The following ZNF503 variants were observed in gnomAD, a reference collection of about 807,000 sequenced individuals.
ZNF503 encodes the protein zinc finger protein 503, also known as NocA-like zinc finger 2.
A neutral mutation model predicts 34.4 loss-of-function variants in ZNF503; 15 were observed. That is an observed-to-expected ratio of 0.44 (90% CI 0.29 to 0.67). The LOEUF (loss-of-function observed/expected upper bound fraction) is 0.67, where lower values mean the gene tolerates loss of function less well. Ranked by LOEUF, ZNF503 falls within the 30% of genes least tolerant of loss-of-function variation. The pLI is 0.13. For missense variants in ZNF503, 1,007 were observed against 926.8 expected, an observed-to-expected ratio of 1.09 and a Z score of -1.12; for synonymous variants, 580 against 456.8, an observed-to-expected ratio of 1.27 and a Z score of -3.44.
chr10:75,373,742 A>G, the ZNF503 span, among the ~76,000 whole-genome samples: 1 of 152,210 alleles, frequency 6.6e-6, no homozygotes, highest in African/African-American at 2.4e-5. Flanking sequence ...GGAATTTCCT[A>G]TCTCATAGGG....
the ZNF503 span, among the ~76,000 whole-genome samples, chr10:75,331,333 G>A: frequency 6.6e-6 from 1 of 152,244 alleles, no homozygotes; most frequent in Non-Finnish European, 1.5e-5. Context: ...CTAAAGTGCA[G>A]TTAAAATCCA....
At chr10:75,293,395 G>T in the ZNF503 span, among the ~76,000 whole-genome samples, 1 of 152,186 alleles carries the variant, frequency 6.6e-6, no homozygotes, top group East Asian at 1.9e-4. Flanking sequence ...TTCCAGGTAG[G>T]CAGGAAGGAA....
the ZNF503 span, among the ~76,000 whole-genome samples, chr10:75,380,067 C>G: frequency 1.3e-5 from 2 of 152,322 alleles, no homozygotes; most frequent in Non-Finnish European, 2.9e-5. Context: ...GACCTGCTCA[C>G]TCTATGCCAA....
In ZNF503 at chr10:75,398,948, G is replaced by A. The variant is rs753378226; in HGVS notation, c.1742C>T (p.Pro581Leu). 4 of 1,599,496 alleles carry A rather than the reference G, an allele frequency of 2.5e-6. No homozygotes were observed. Among genetic ancestry groups the A allele is most frequent in the South Asian group, 1.1e-5 (1 of 90,174 alleles). ...CAGCGCCAGCGTCCCAGGGCTGCCC[G>A]GTGCGCCCGAGGTGGGGATGTGCAT... ...CHMHIPTSGAPGSPGTLALRS... is the reference protein window; with the variant it reads ...CHMHIPTSGALGSPGTLALRS... Residue 581 changes from proline (P) to leucine (L), a missense_variant, in exon 2 of 2, where the codon CCG becomes CTG. Coordinates refer to ENST00000372524, the MANE Select transcript of ZNF503 (RefSeq NM_032772.6).
chr10:75,344,316 T>A, the ZNF503 span, among the ~76,000 whole-genome samples: 1 of 152,204 alleles, frequency 6.6e-6, no homozygotes, highest in Non-Finnish European at 1.5e-5. Context: ...CCTACTTGCT[T>A]CAACATTCCA....
chr10:75,356,466 C>T, the ZNF503 span, among the ~76,000 whole-genome samples: 12 of 152,336 alleles, frequency 7.9e-5, no homozygotes, highest in African/African-American at 2.4e-4. Flanking sequence ...CCGCCTGCCT[C>T]AGCCTCCCAA....
chr10:75,395,420 T>C (rs957641923), downstream of ZNF503, among the ~76,000 whole-genome samples: 1 of 152,128 alleles, frequency 6.6e-6, no homozygotes, highest in African/African-American at 2.4e-5. This position sits in a 1 kb window ranked among gnomAD's most constrained non-coding sequence, Gnocchi z 4.4. Context: ...GGGATGCCCA[T>C]CCAGCCGGCT....
At chr10:75,339,630 G>T in the ZNF503 span, among the ~76,000 whole-genome samples, 55,839 of 151,976 alleles carry the variant, frequency 0.37, 10,534 homozygotes, top group Middle Eastern at 0.39. Context: ...GCCAACACAC[G>T]GGTGGGTGTC....
Position 75,399,808 on chromosome 10 carries a change from C to T in ZNF503, c.882G>A (p.Val294=). The T allele has an allele frequency of 6.2e-7, 1 of 1,602,924 alleles. No homozygotes were observed. The highest frequency in any genetic ancestry group is 8.5e-7 in the Non-Finnish European group (1 of 1,176,790). ...CCGGGCCCCCATCCGGATGCTGGTTCACATCCACATTAATCCCGCCGCCGC... is the reference window on the plus strand; with the variant it reads ...CCGGGCCCCCATCCGGATGCTGGTTTACATCCACATTAATCCCGCCGCCGC... ...ISCGGGINVD[V]NQHPDGGPGG... is the part of the protein sequence containing the mutation. Residue 294 remains valine, a synonymous_variant, in exon 2 of 2, where the codon GTG becomes GTA. Coordinates refer to ENST00000372524, the MANE Select transcript of ZNF503 (RefSeq NM_032772.6).
rs756434196 is a variant in ZNF503 at position 75,399,979 on chromosome 10, C to T, written c.711G>A (p.Ser237=). Residue 237 remains serine (S), a synonymous_variant, in exon 2 of 2, where the codon TCG becomes TCA. Transcript: ENST00000372524. ...GSPSSSASAC[S]PGGMLSSAGG... is the part of the protein sequence containing the mutation. ...CGGCCGAGGACAGCATACCTCCCGG[C>T]GAGCAGGCCGAGGCGCTGGAGCTCG... The T allele has an allele frequency of 6.2e-7, 1 of 1,606,010 alleles. No individual in the cohort carries two copies. The highest frequency in any genetic ancestry group is 1.7e-5 in the Admixed American group (1 of 59,910).
At chr10:75,365,675 A>G in the ZNF503 span, among the ~76,000 whole-genome samples, 4 of 152,180 alleles carry the variant, frequency 2.6e-5, no homozygotes, top group African/African-American at 9.7e-5. Flanking sequence ...TATTTAACCT[A>G]TCTGTGCTTC....
downstream of ZNF503, among the ~76,000 whole-genome samples, chr10:75,393,784 G>A (rs1453491061): frequency 2.0e-5 from 3 of 152,002 alleles, no homozygotes; most frequent in Non-Finnish European, 2.9e-5. Context: ...ACTTGAACCC[G>A]GGAGGCAGAG....
the ZNF503 span, among the ~76,000 whole-genome samples, chr10:75,376,781 G>A: frequency 6.6e-6 from 1 of 152,110 alleles, no homozygotes. Context: ...TTCACAGGGT[G>A]GCAGAAGAGA....
At chr10:75,314,370 C>T in the ZNF503 span, among the ~76,000 whole-genome samples, 34,766 of 150,958 alleles carry the variant, frequency 0.23, 4,527 homozygotes, top group African/African-American at 0.35. Context: ...ATAAACCAAA[C>T]AGAAATTCTG....
chr10:75,324,058 C>T, the ZNF503 span, among the ~76,000 whole-genome samples: 1 of 61,090 alleles, frequency 1.6e-5, no homozygotes, highest in South Asian at 5.6e-4. Context: ...ATTTTTTATA[C>T]ATTTTATATG....
At chr10:75,361,066 T>C in the ZNF503 span, 1 of 152,224 alleles carries the variant, frequency 6.6e-6, no homozygotes, top group Admixed American at 6.5e-5. Flanking sequence ...TACAATGTTT[T>C]ACTCCTCTGA....
At chr10:75,342,969 A>G in the ZNF503 span, among the ~76,000 whole-genome samples, 1 of 152,342 alleles carries the variant, frequency 6.6e-6, no homozygotes, top group Non-Finnish European at 1.5e-5. Flanking sequence ...AGGGAAATAG[A>G]GAATCTGATC....
At chr10:75,329,381 T>TCTTCCTTCCTTC in the ZNF503 span, among the ~76,000 whole-genome samples, 9 of 129,184 alleles carry the variant, frequency 7.0e-5, no homozygotes, top group East Asian at 2.0e-4. Flanking sequence ...CTTCTTTCTT[T>TCTTCCTTCCTTC]CTTCCTTCCT....
the ZNF503 span, among the ~76,000 whole-genome samples, chr10:75,312,890 T>A: frequency 6.6e-6 from 1 of 152,124 alleles, no homozygotes; most frequent in African/African-American, 2.4e-5. Flanking sequence ...GTGGAGATAA[T>A]TAAGTGAGTT....
Sources: gnomAD v4.1 joint callset for allele counts (sites outside exome capture counted in the v4.1 genomes callset) on GRCh38, gnomAD v4.1.1 for gene constraint, Gnocchi (gnomAD v3.1) non-coding constraint, MANE v1.5 for transcripts, NCBI Gene and HGNC (gene_info 2026-07-23, HGNC 2026-07-21) for gene names.